Variants in CORIN observed in about 807,000 individuals in gnomAD.
The protein encoded by CORIN is atrial natriuretic peptide-converting enzyme.
CORIN carries 117 observed loss-of-function variants against 125.3 expected under a neutral mutation model. The ratio of observed to expected loss-of-function variants is 0.93; its 90% CI spans 0.80 to 1.09. CORIN has a LOEUF of 1.09. CORIN is among the 50% of genes least tolerant of loss of function. The probability of loss-of-function intolerance (pLI) is 0.00; values close to 1 mark genes in which losing one functional copy is unlikely to be tolerated. For missense variants in CORIN, 1,253 were observed against 1,306.7 expected (o/e 0.96, Z 0.63); for synonymous variants, 450 against 466.4 (o/e 0.96, Z 0.45).
chr4:47,723,995 C>CAAAAAA (rs766930754), intron 5 of CORIN, among the ~76,000 whole-genome samples: 3 of 58,916 alleles, frequency 5.1e-5, no homozygotes, highest in African/African-American at 1.7e-4. Context: ...GACTCCATCT[C>CAAAAAA]AAAAAAAAAA....
intron 10 of CORIN, among the ~76,000 whole-genome samples, chr4:47,669,055 A>G (rs771345736): frequency 6.6e-6 from 1 of 152,182 alleles, no homozygotes; most frequent in Non-Finnish European, 1.5e-5. Flanking sequence ...AAACGTGAGG[A>G]TATTTTAGGG....
intron 1 of CORIN, among the ~76,000 whole-genome samples, chr4:47,814,123 T>C (rs1252133158): frequency 6.6e-6 from 1 of 152,182 alleles, no homozygotes; most frequent in Non-Finnish European, 1.5e-5. Context: ...AGGAAGATGA[T>C]AAACTGCAAA....
At chr4:47,697,794 G>A (rs1313970036) in intron 5 of CORIN, among the ~76,000 whole-genome samples, 3 of 152,062 alleles carry the variant, frequency 2.0e-5, no homozygotes, top group Non-Finnish European at 2.9e-5. Flanking sequence ...GGGAGCTGGT[G>A]CTGCTGGGCA....
In CORIN at chr4:47,623,553, A is replaced by C. The variant is rs1722423219; in HGVS notation, c.2540+18T>G. ...TGATCAAATCCAGGCAAAGGAAAAA[A>C]GGAAAGGTGCAGCTTACCCCTCGAA... On this transcript the variant is annotated intron_variant, in intron 19 of 21. Coordinates refer to ENST00000273857, the MANE Select transcript of CORIN (RefSeq NM_006587.4). 1.9e-6 allele frequency: 3 copies of C among 1,608,362 alleles called. No individual in the cohort carries two copies. The highest frequency in any genetic ancestry group is 1.7e-6 in the Non-Finnish European group (2 of 1,176,512).
chr4:47,755,310 C>T (rs773328551), intron 4 of CORIN, among the ~76,000 whole-genome samples: 1 of 152,156 alleles, frequency 6.6e-6, no homozygotes, highest in Non-Finnish European at 1.5e-5. Context: ...AAAAAGTATG[C>T]TCCCCCTTCC....
chr4:47,647,163 A>G (rs534205249), intron 13 of CORIN, among the ~76,000 whole-genome samples: 57 of 152,264 alleles, frequency 3.7e-4, no homozygotes, highest in Non-Finnish European at 6.5e-4. Context: ...AGTTCTGACA[A>G]TAAGAGTCTC....
intron 2 of CORIN, among the ~76,000 whole-genome samples, chr4:47,791,906 G>A (rs1731099507): frequency 6.6e-6 from 1 of 152,150 alleles, no homozygotes; most frequent in South Asian, 2.1e-4. Flanking sequence ...TTATAGATTA[G>A]TTGAGGGAGA....
intron 6 of CORIN, among the ~76,000 whole-genome samples, chr4:47,688,179 C>G (rs1036705406): frequency 6.6e-6 from 1 of 152,182 alleles, no homozygotes; most frequent in Non-Finnish European, 1.5e-5. Context: ...CAGCTGTCTA[C>G]GCAATCCAGC....
At chr4:47,822,005 A>G (rs144526905) in intron 1 of CORIN, among the ~76,000 whole-genome samples, 216 of 152,322 alleles carry the variant, frequency 1.4e-3, no homozygotes, top group Admixed American at 3.5e-3. Context: ...TAGGGGAAAG[A>G]TATTTCATTT....
intron 2 of CORIN, among the ~76,000 whole-genome samples, chr4:47,799,613 GT>G (rs1731451929): frequency 6.6e-6 from 1 of 152,006 alleles, no homozygotes; most frequent in Non-Finnish European, 1.5e-5. Context: ...GAGGTTATTT[GT>G]TTTCTGCATC....
rs543018554 is a variant in CORIN, at chr4:47,743,719, T to C, written c.799+683A>G. On this transcript the variant is annotated intron_variant, in intron 5 of 21. Transcript: ENST00000273857. ...GGCCAACATGGCGAAACCATGTCTC[T>C]ACTAAAAATACAAAAGTTAGCCAGG... is the stretch of plus-strand genomic sequence containing the variant. Among the ~76,000 whole-genome samples, 7 of 152,306 alleles carry C rather than the reference T, an allele frequency of 4.6e-5. No individual in the cohort carries two copies. The East Asian group carries it at 1.2e-3, about 25-fold the overall frequency.
chr4:47,689,757 G>A (rs746685978), intron 6 of CORIN, among the ~76,000 whole-genome samples: 14 of 152,072 alleles, frequency 9.2e-5, no homozygotes, highest in Non-Finnish European at 1.3e-4. Flanking sequence ...CTTCTAGCCC[G>A]GTGCTTCCAA....
chr4:47,671,836 G>A (rs183231695), intron 10 of CORIN, among the ~76,000 whole-genome samples: 2 of 151,874 alleles, frequency 1.3e-5, no homozygotes, highest in Admixed American at 6.6e-5. Context: ...TGATCCACCC[G>A]CCTCGGCCTC....
At chr4:47,672,604 C>T (rs887171274) in intron 10 of CORIN, among the ~76,000 whole-genome samples, 1 of 151,908 alleles carries the variant, frequency 6.6e-6, no homozygotes, top group Non-Finnish European at 1.5e-5. Flanking sequence ...GAAACAGTGG[C>T]CCAAATATGT....
intron 1 of CORIN, among the ~76,000 whole-genome samples, chr4:47,808,855 A>G (rs1053984970): frequency 6.6e-6 from 1 of 152,216 alleles, no homozygotes; most frequent in Non-Finnish European, 1.5e-5. Flanking sequence ...CCTACTAATT[A>G]TAATAATAGT....
At chr4:47,734,881 C>A (rs1431937252) in intron 5 of CORIN, among the ~76,000 whole-genome samples, 1 of 152,154 alleles carries the variant, frequency 6.6e-6, no homozygotes, top group South Asian at 2.1e-4. Context: ...ACAGACATTG[C>A]CAAATGTTCC....
intron 5 of CORIN, among the ~76,000 whole-genome samples, chr4:47,728,829 C>T (rs748905554): frequency 7.9e-5 from 12 of 152,154 alleles, no homozygotes; most frequent in Admixed American, 6.5e-5. Context: ...CAAGGATCAA[C>T]CTATGATCTT....
chr4:47,714,611 C>T (rs545938436), intron 5 of CORIN, among the ~76,000 whole-genome samples: 8 of 151,114 alleles, frequency 5.3e-5, no homozygotes, highest in Admixed American at 1.3e-4. Context: ...AATTGTTAGA[C>T]TTTGTGATGC....
In CORIN at chr4:47,678,000, G is replaced by C. The variant is rs369280273; in HGVS notation, c.1187C>G (p.Thr396Arg). 1.1e-5 allele frequency: 18 copies of C among 1,613,932 alleles called. No homozygotes were observed. The highest frequency in any genetic ancestry group is 2.2e-5 in the East Asian group (1 of 44,878). The stretch of plus-strand genomic sequence containing the variant: ...GTCCTCGTCACCATCACATTGAAAC[G>C]TGCTGGGGATACATTGTCCATTTCT... ...ECRNGQCIPS[T>R]FQCDGDEDCK... is the part of the protein sequence containing the mutation. Residue 396 changes from threonine (T) to arginine (R), a missense_variant, in exon 9 of 22, where the codon ACG (threonine) becomes AGG (arginine). Transcript: ENST00000273857.
Sources: gnomAD v4.1 joint callset for allele counts (sites outside exome capture counted in the v4.1 genomes callset) on GRCh38, gnomAD v4.1.1 for gene constraint, MANE v1.5 for transcripts, NCBI Gene and HGNC (gene_info 2026-07-23, HGNC 2026-07-21) for gene names.